Variants in SMYD3 observed in about 807,000 individuals in gnomAD.
SMYD3 encodes histone-lysine N-methyltransferase SMYD3.
SMYD3 carries 36 observed loss-of-function variants against 57.7 expected under a neutral mutation model. The observed-to-expected ratio is 0.62, with a 90% CI of 0.48 to 0.82. The LOEUF (loss-of-function observed/expected upper bound fraction) is 0.82, where lower values mean the gene tolerates loss of function less well. Among genes scored for constraint, SMYD3 ranks in the 40% least tolerant of loss-of-function variants. The probability of loss-of-function intolerance (pLI) is 0.00; values close to 1 mark genes in which losing one functional copy is unlikely to be tolerated. For synonymous variants in SMYD3, 211 were observed against 195.0 expected, an observed-to-expected ratio of 1.08 and a Z score of -0.68; for missense variants, 515 against 538.8, an observed-to-expected ratio of 0.96 and a Z score of 0.44.
chr1:246,375,652 T>C (rs917718344), intron 1 of SMYD3, among the ~76,000 whole-genome samples: 5 of 152,208 alleles, frequency 3.3e-5, no homozygotes, highest in East Asian at 1.9e-4. Flanking sequence ...TTAATACTTA[T>C]ATTTCTGCCC....
chr1:245,803,403 A>G (rs1270509613), intron 10 of SMYD3, among the ~76,000 whole-genome samples: 1 of 152,160 alleles, frequency 6.6e-6, no homozygotes, highest in Non-Finnish European at 1.5e-5. Context: ...AGGTTGAACC[A>G]TATGAACTGG....
chr1:246,397,913 A>C (rs1246784351), intron 1 of SMYD3, among the ~76,000 whole-genome samples: 18 of 250 alleles, frequency 0.072, no homozygotes, highest in African/African-American at 0.12. Flanking sequence ...GTTGAGTCAT[A>C]AAAAAAAAAA....
intron 1 of SMYD3, among the ~76,000 whole-genome samples, chr1:246,425,523 G>A (rs2067205614): frequency 1.3e-5 from 2 of 152,158 alleles, no homozygotes; most frequent in Non-Finnish European, 2.9e-5. Flanking sequence ...CACTGGCTGG[G>A]AGCTTGCTGA....
chr1:245,775,382 C>T (rs928379848), intron 10 of SMYD3, among the ~76,000 whole-genome samples: 2 of 152,056 alleles, frequency 1.3e-5, no homozygotes, highest in Admixed American at 1.3e-4. Context: ...AATTCTTCTG[C>T]CTTGGGATCC....
At chr1:246,255,109 T>G (rs577165303) in intron 5 of SMYD3, among the ~76,000 whole-genome samples, 15 of 152,102 alleles carry the variant, frequency 9.9e-5, no homozygotes, top group Non-Finnish European at 2.2e-4. Context: ...CCTAATTGGA[T>G]GCCTTTTCTT....
chr1:245,793,786 C>T (rs1250049686), intron 10 of SMYD3, among the ~76,000 whole-genome samples: 1 of 152,172 alleles, frequency 6.6e-6, no homozygotes, highest in Non-Finnish European at 1.5e-5. Flanking sequence ...GCCCACAGCC[C>T]CACATGACCT....
At chr1:246,286,932 C>T (rs1023687603) in intron 5 of SMYD3, among the ~76,000 whole-genome samples, 2 of 149,830 alleles carry the variant, frequency 1.3e-5, no homozygotes, top group Non-Finnish European at 3.0e-5. Context: ...AGTGCAGTGA[C>T]GGAATCTCGG....
chr1:245,758,887 GCACAAA>G (rs1333437183), intron 11 of SMYD3, among the ~76,000 whole-genome samples: 1 of 152,126 alleles, frequency 6.6e-6, no homozygotes, highest in Non-Finnish European at 1.5e-5. Flanking sequence ...TTTAACTGAA[GCACAAA>G]CATTTTGAGT....
intron 5 of SMYD3, among the ~76,000 whole-genome samples, chr1:246,224,002 T>C (rs1379425891): frequency 6.6e-6 from 1 of 152,166 alleles, no homozygotes; most frequent in Non-Finnish European, 1.5e-5. Flanking sequence ...TAAGAGGATT[T>C]AGATTCTTCT....
chr1:246,442,708 T>A (rs1480637125), intron 1 of SMYD3, among the ~76,000 whole-genome samples: 2 of 152,122 alleles, frequency 1.3e-5, no homozygotes, highest in Non-Finnish European at 2.9e-5. Flanking sequence ...ATATATATAT[T>A]TTGAACACAG....
rs149890611 is a variant in SMYD3 at position 245,908,529 on chromosome 1, A to G, written c.813+7001T>C. Among the ~76,000 whole-genome samples, 8 of 152,356 alleles carry G rather than the reference A, an allele frequency of 5.3e-5. No individual in the cohort carries two copies. The East Asian group carries it at 1.2e-3, about 22-fold the overall frequency. On this transcript the variant is annotated intron_variant, in intron 8 of 11. Transcript: ENST00000490107. Reference sequence around the variant, plus strand: ...CATACATCCAACACCTGTAGAATATACTTTCATCTCATCAGTAAATGGAAC... The same window carrying G: ...CATACATCCAACACCTGTAGAATATGCTTTCATCTCATCAGTAAATGGAAC...
intron 5 of SMYD3, among the ~76,000 whole-genome samples, chr1:246,090,418 A>C (rs1052786960): frequency 1.3e-5 from 2 of 151,998 alleles, no homozygotes; most frequent in African/African-American, 4.8e-5. Context: ...CTTCTGTTTG[A>C]ACAAAATCCT....
intron 5 of SMYD3, among the ~76,000 whole-genome samples, chr1:246,193,994 T>G (rs1441278748): frequency 6.6e-6 from 1 of 152,208 alleles, no homozygotes. Flanking sequence ...AAATTGGTCA[T>G]TATGTTCTCT....
chr1:245,825,615 C>T (rs2049442369), intron 10 of SMYD3, among the ~76,000 whole-genome samples: 1 of 152,164 alleles, frequency 6.6e-6, no homozygotes, highest in Admixed American at 6.5e-5. Flanking sequence ...TTAAAAATGC[C>T]TTTGTGGGCT....
At chr1:246,506,987 A>AAGCCCCCC in intron 1 of SMYD3, 67 bp downstream of exon 1, 1 of 634,740 alleles carries the variant, frequency 1.6e-6, no homozygotes, top group Non-Finnish European at 2.2e-6. Flanking sequence ...CGGCCGCCCG[A>AAGCCCCCC]CGCCCCCCCC....
intron 1 of SMYD3, among the ~76,000 whole-genome samples, chr1:246,452,869 C>T (rs956790529): frequency 3.3e-5 from 5 of 152,058 alleles, no homozygotes; most frequent in Non-Finnish European, 4.4e-5. Context: ...ATTACTGAAA[C>T]ACTAAAACAA....
intron 5 of SMYD3, among the ~76,000 whole-genome samples, chr1:246,051,682 T>C (rs1379507210): frequency 6.6e-6 from 1 of 152,204 alleles, no homozygotes; most frequent in Admixed American, 6.5e-5. Context: ...GTAATTTCAT[T>C]TCTTTTTGAC....
intron 10 of SMYD3, among the ~76,000 whole-genome samples, chr1:245,829,511 C>T (rs1005220179): frequency 3.3e-5 from 5 of 152,052 alleles, no homozygotes; most frequent in East Asian, 1.9e-4. Flanking sequence ...TGGAGAGGTA[C>T]TCTCCGTATT....
intron 5 of SMYD3, among the ~76,000 whole-genome samples, chr1:245,998,951 T>C (rs1187322349): frequency 6.6e-6 from 1 of 152,022 alleles, no homozygotes; most frequent in Non-Finnish European, 1.5e-5. Context: ...GTAGTCAAAC[T>C]CACAGAGACG....
Sources: gnomAD v4.1 joint callset for allele counts (sites outside exome capture counted in the v4.1 genomes callset) on GRCh38, gnomAD v4.1.1 for gene constraint, MANE v1.5 for transcripts, NCBI Gene and HGNC (gene_info 2026-07-23, HGNC 2026-07-21) for gene names.